Variants in MAP3K1 observed in about 807,000 individuals in gnomAD.
The protein encoded by MAP3K1 is MAP/ERK kinase kinase 1.
In MAP3K1, 36 loss-of-function variants were observed where a neutral mutation model predicts 144.2. The observed-to-expected ratio is 0.25, with a 90% confidence interval of 0.19 to 0.33. MAP3K1 has a LOEUF of 0.33. Among genes scored for constraint, MAP3K1 ranks in the 10% least tolerant of loss-of-function variants. MAP3K1 has a pLI of 1.00. For missense variants in MAP3K1, 1,650 were observed against 1,881.9 expected, an observed-to-expected ratio of 0.88 and a Z score of 2.28; for synonymous variants, 718 against 688.7, an observed-to-expected ratio of 1.04 and a Z score of -0.67.
At chr5:56,865,558 G>A (rs1747649773) in intron 5 of MAP3K1, 102 bp downstream of exon 5, 2 of 762,630 alleles carry the variant, frequency 2.6e-6, no homozygotes, top group East Asian at 2.7e-5. Context: ...CATTTTAAAG[G>A]TGTGAAGGTA....
chr5:56,832,130 AAAT>A (rs1746512872), intron 1 of MAP3K1, among the ~76,000 whole-genome samples: 1 of 152,242 alleles, frequency 6.6e-6, no homozygotes, highest in South Asian at 2.1e-4. Context: ...TATGAATTAG[AAAT>A]AATGATACCC....
chr5:56,848,958 A>C (rs966727623), intron 1 of MAP3K1, among the ~76,000 whole-genome samples: 2 of 152,240 alleles, frequency 1.3e-5, no homozygotes, highest in Non-Finnish European at 2.9e-5. Context: ...TTCTATGCCC[A>C]TATCTCTCAA....
intron 1 of MAP3K1, among the ~76,000 whole-genome samples, chr5:56,847,169 T>C (rs1302495333): frequency 1.3e-5 from 2 of 152,236 alleles, no homozygotes; most frequent in Non-Finnish European, 2.9e-5. Context: ...ATATAGCCCC[T>C]TTCGTTTGAT....
chr5:56,855,071 CCT>C (rs966569538), intron 1 of MAP3K1, among the ~76,000 whole-genome samples: 41 of 152,148 alleles, frequency 2.7e-4, no homozygotes, highest in Admixed American at 2.4e-3. Context: ...CACTTTATCC[CCT>C]GTGTTCTTCA....
At chr5:56,865,083 C>G in intron 4 of MAP3K1, 149 bp downstream of exon 4, 1 of 814,368 alleles carries the variant, frequency 1.2e-6, no homozygotes, top group Non-Finnish European at 1.9e-6. Flanking sequence ...TAATATTTTT[C>G]TTTAATGTAT....
At position 56,893,920 on chromosome 5, in the gene MAP3K1, G is replaced by C. The variant is rs1748625747; in HGVS notation, c.*240G>C. 1.8e-6 allele frequency: 1 copy of C among 544,364 alleles called. No individual in the cohort carries two copies. The highest frequency in any genetic ancestry group is 1.9e-5 in the African/African-American group (1 of 52,954). The allele number at this position is 544,364 out of a possible 1,614,324, so 33.7% of individuals were successfully genotyped here. Reference sequence around the variant, plus strand: ...TGTGCCTTTCAAAGAACTGGCCCTAGGTGAACAGGAAAACAATGAAGTTTG... The same window carrying C: ...TGTGCCTTTCAAAGAACTGGCCCTACGTGAACAGGAAAACAATGAAGTTTG... On this transcript the variant is annotated 3_prime_UTR_variant, in exon 20 of 20. Coordinates refer to ENST00000399503, the MANE Select transcript of MAP3K1 (RefSeq NM_005921.2).
At chr5:56,893,001 A>G (rs1011523638) in intron 19 of MAP3K1, among the ~76,000 whole-genome samples, 8 of 152,078 alleles carry the variant, frequency 5.3e-5, no homozygotes, top group African/African-American at 1.7e-4. Context: ...CAGACTTACA[A>G]TTTGTTTATA....
intron 19 of MAP3K1, among the ~76,000 whole-genome samples, chr5:56,890,643 A>G (rs1454292377): frequency 1.3e-5 from 2 of 152,196 alleles, no homozygotes; most frequent in South Asian, 2.1e-4. Flanking sequence ...TCTACTCAAG[A>G]AAGTAATTAA....
chr5:56,881,428 C>A, intron 13 of MAP3K1, 142 bp from the exon 14 acceptor site: 3 of 964,332 alleles, frequency 3.1e-6, no homozygotes, highest in Non-Finnish European at 4.7e-6. Context: ...AAAGTCTGGG[C>A]TCTTTAATTA....
chr5:56,862,434 A>G (rs896719667), intron 3 of MAP3K1, among the ~76,000 whole-genome samples: 2 of 152,172 alleles, frequency 1.3e-5, no homozygotes, highest in Admixed American at 1.3e-4. Flanking sequence ...GGCCATCAAA[A>G]TGAAAGTTTA....
At chr5:56,838,425 T>C (rs536285364) in intron 1 of MAP3K1, among the ~76,000 whole-genome samples, 18 of 152,346 alleles carry the variant, frequency 1.2e-4, no homozygotes, top group Admixed American at 9.1e-4. Context: ...ATTGTAGCTT[T>C]TGCTATAGTG....
intron 1 of MAP3K1, chr5:56,820,701 C>A (rs1746128893): frequency 2.0e-6 from 2 of 985,114 alleles, no homozygotes; most frequent in Non-Finnish European, 2.4e-6. Context: ...TATTGCTAGA[C>A]CCTACCCCTT....
At chr5:56,854,911 CT>C (rs1747291381) in intron 1 of MAP3K1, among the ~76,000 whole-genome samples, 1 of 152,158 alleles carries the variant, frequency 6.6e-6, no homozygotes, top group Non-Finnish European at 1.5e-5. Flanking sequence ...CAAACCACCT[CT>C]TGCAACATTG....
At chr5:56,822,093 T>C (rs1186025592) in intron 1 of MAP3K1, among the ~76,000 whole-genome samples, 1 of 152,190 alleles carries the variant, frequency 6.6e-6, no homozygotes, top group Non-Finnish European at 1.5e-5. Context: ...CAATCTTTGC[T>C]CACTGCAGCC....
At chr5:56,876,233 T>C (rs1404083519) in intron 10 of MAP3K1, among the ~76,000 whole-genome samples, 1 of 152,142 alleles carries the variant, frequency 6.6e-6, no homozygotes, top group Non-Finnish European at 1.5e-5. Context: ...CTCTGGCCTC[T>C]ACCCATTAGA....
intron 19 of MAP3K1, among the ~76,000 whole-genome samples, chr5:56,890,191 C>G (rs1748507802): frequency 6.6e-6 from 1 of 152,118 alleles, no homozygotes; most frequent in Non-Finnish European, 1.5e-5. Flanking sequence ...TTCTTCTTCC[C>G]AGAGTCTTAT....
intron 1 of MAP3K1, among the ~76,000 whole-genome samples, chr5:56,845,917 C>T (rs1226078164): frequency 6.6e-6 from 1 of 152,124 alleles, no homozygotes; most frequent in Non-Finnish European, 1.5e-5. Flanking sequence ...CATAGTTTAC[C>T]TTAAGCCTGA....
At chr5:56,856,900 A>T in intron 2 of MAP3K1, 150 bp downstream of exon 2, 1 of 882,026 alleles carries the variant, frequency 1.1e-6, no homozygotes. Flanking sequence ...GGAAGAAACC[A>T]TAATTAAAAC....
chr5:56,877,004 A>G (rs1426626705), intron 10 of MAP3K1, among the ~76,000 whole-genome samples: 2 of 152,198 alleles, frequency 1.3e-5, no homozygotes, highest in Non-Finnish European at 2.9e-5. Context: ...TTACACAAGG[A>G]TAACTAGGTC....
Sources: gnomAD v4.1 joint callset for allele counts (sites outside exome capture counted in the v4.1 genomes callset) on GRCh38, gnomAD v4.1.1 for gene constraint, MANE v1.5 for transcripts, NCBI Gene and HGNC (gene_info 2026-07-23, HGNC 2026-07-21) for gene names.